The following RPGRIP1 variants were observed in gnomAD, a reference collection of about 807,000 sequenced individuals.
RPGRIP1 encodes the protein RPGR interacting protein 1, also known as X-linked retinitis pigmentosa GTPase regulator-interacting protein 1.
RPGRIP1 carries 128 observed loss-of-function variants against 157.9 expected under a neutral mutation model. That is an observed-to-expected ratio of 0.81 (90% CI 0.70 to 0.94). RPGRIP1 has a LOEUF of 0.94. RPGRIP1 is among the 40% of genes least tolerant of loss of function. The probability of loss-of-function intolerance (pLI) is 0.00; values close to 1 mark genes in which losing one functional copy is unlikely to be tolerated. For synonymous variants in RPGRIP1, 554 were observed against 571.6 expected (o/e 0.97, Z 0.44); for missense variants, 1,486 against 1,545.8 (o/e 0.96, Z 0.65).
In RPGRIP1 at chr14:21,313,625, T is replaced by C. The variant is rs559424627; in HGVS notation, c.1151+1119T>C. Reference sequence around the variant, plus strand: ...CAACATGATGAAGCCCTGTGTCTACTAAAAATACAAAAATTAGCCAGGCAC... The same window carrying C: ...CAACATGATGAAGCCCTGTGTCTACCAAAAATACAAAAATTAGCCAGGCAC... On this transcript the variant is annotated intron_variant, in intron 10 of 24. Transcript: ENST00000400017. 1.0e-3 allele frequency among the ~76,000 whole-genome samples: 156 copies of C among 152,004 alleles called. 2 individuals are homozygous for C. In the Middle Eastern group the frequency reaches 0.034, roughly 33 times the overall value.
At chr14:21,313,931 C>T (rs1337496931) in intron 10 of RPGRIP1, among the ~76,000 whole-genome samples, 1 of 150,382 alleles carries the variant, frequency 6.6e-6, no homozygotes, top group Non-Finnish European at 1.5e-5. Context: ...AAAGGGGCAC[C>T]TTCACTTTTA....
chr14:21,308,788 T>A (rs763433128), intron 7 of RPGRIP1, among the ~76,000 whole-genome samples: 2 of 152,216 alleles, frequency 1.3e-5, no homozygotes, highest in East Asian at 1.9e-4. Context: ...GCTGCTTATA[T>A]GAGTAGGCAG....
chr14:21,315,965 A>G (rs769421784), intron 10 of RPGRIP1, among the ~76,000 whole-genome samples: 175 of 120,260 alleles, frequency 1.5e-3, no homozygotes, highest in Non-Finnish European at 2.4e-3. Flanking sequence ...TGCCTGGCTA[A>G]TTTTTGTGGT....
chr14:21,337,942 A>T (rs982955352), intron 21 of RPGRIP1, among the ~76,000 whole-genome samples: 3 of 151,350 alleles, frequency 2.0e-5, no homozygotes, highest in African/African-American at 7.3e-5. Context: ...TTTGAGACCT[A>T]GTCTTGCTCT....
chr14:21,338,309 C>T (rs975156712), intron 21 of RPGRIP1, among the ~76,000 whole-genome samples: 6 of 152,142 alleles, frequency 3.9e-5, no homozygotes, highest in Admixed American at 6.5e-5. Context: ...TAGTGAATAT[C>T]GAGAACCTCA....
chr14:21,325,475 G>C, intron 16 of RPGRIP1, 92 bp downstream of exon 16: 1 of 1,217,684 alleles, frequency 8.2e-7, no homozygotes, highest in South Asian at 1.5e-5. Context: ...ATAAGTGTTT[G>C]TTGAATGTGA....
rs991452324 is a variant in RPGRIP1, at chr14:21,322,055, C to T, written c.1762+51C>T. On this transcript the variant is annotated intron_variant, in intron 14 of 24. Transcript: ENST00000400017. ...CACTTCGGGACCCTTCCACAGCTAA[C>T]GCCTGTGTTCCACTCTGTGTACTTG... 2.0e-5 allele frequency: 30 copies of T among 1,523,088 alleles called. No homozygotes were observed. The East Asian group carries it at 2.5e-4, about 13-fold the overall frequency. 94.3% of individuals were successfully genotyped at this position (1,523,088 alleles called of 1,614,324 possible). A position where few individuals can be genotyped will look rare whatever the true frequency, so the allele number is the denominator to read the frequency against.
At chr14:21,323,449 C>T (rs1182031886) in intron 14 of RPGRIP1, among the ~76,000 whole-genome samples, 3 of 151,612 alleles carry the variant, frequency 2.0e-5, no homozygotes, top group Non-Finnish European at 4.4e-5. Flanking sequence ...AGAATAAAAG[C>T]ACATAAGTGT....
At chr14:21,305,612 G>C (rs1490782028) in intron 6 of RPGRIP1, among the ~76,000 whole-genome samples, 1 of 152,186 alleles carries the variant, frequency 6.6e-6, no homozygotes, top group African/African-American at 2.4e-5. Context: ...TGTAATCCCA[G>C]TACTTTGGGA....
chr14:21,303,930 GTGAGC>G (rs1048934614), intron 6 of RPGRIP1, among the ~76,000 whole-genome samples: 2 of 151,542 alleles, frequency 1.3e-5, no homozygotes, highest in African/African-American at 4.9e-5. Flanking sequence ...AGAGGTTTCA[GTGAGC>G]TGAGATAACG....
chr14:21,330,902 T>TTTTTG (rs925094507), intron 20 of RPGRIP1, among the ~76,000 whole-genome samples: 7 of 151,716 alleles, frequency 4.6e-5, no homozygotes, highest in Non-Finnish European at 7.4e-5. Context: ...CCCCAGGATT[T>TTTTTG]TTTTGTTTTG....
intron 21 of RPGRIP1, among the ~76,000 whole-genome samples, chr14:21,340,380 C>T (rs1402754134): frequency 5.3e-5 from 8 of 152,128 alleles, no homozygotes; most frequent in East Asian, 1.9e-4. Flanking sequence ...TGGGGCCGGG[C>T]GCAATGGCTC....
intron 6 of RPGRIP1, among the ~76,000 whole-genome samples, chr14:21,305,803 C>G (rs993266450): frequency 5.3e-5 from 8 of 152,046 alleles, no homozygotes; most frequent in African/African-American, 1.9e-4. Flanking sequence ...AGGGGTTGCA[C>G]TGGGCCAAGA....
intron 20 of RPGRIP1, among the ~76,000 whole-genome samples, 175 bp downstream of exon 20, chr14:21,330,562 C>T (rs1253484799): frequency 5.3e-5 from 8 of 150,782 alleles, no homozygotes; most frequent in South Asian, 2.1e-4. Flanking sequence ...GCTACGTGGG[C>T]GGCGGAGGCA....
At chr14:21,288,139 A>G (rs867905306) in intron 2 of RPGRIP1, 78 bp downstream of exon 2, 1 of 929,202 alleles carries the variant, frequency 1.1e-6, no homozygotes, top group Middle Eastern at 2.6e-4. Context: ...TGGCCTTCAC[A>G]GAGACTGATT....
chr14:21,298,812 C>T (rs549264489), intron 3 of RPGRIP1, among the ~76,000 whole-genome samples: 2 of 151,468 alleles, frequency 1.3e-5, no homozygotes, highest in East Asian at 2.0e-4. Context: ...TGGTGGTGGG[C>T]GCCTGTAATC....
chr14:21,321,245 G>T lies in RPGRIP1; in HGVS notation c.1468-14G>T. 6.2e-7 allele frequency: 1 copy of T among 1,607,818 alleles called. No homozygotes were observed. Among genetic ancestry groups the T allele is most frequent in the South Asian group, 1.1e-5 (1 of 89,842 alleles). On this transcript the variant is annotated splice_polypyrimidine_tract_variant and intron_variant, in intron 12 of 24. Coordinates refer to ENST00000400017, the MANE Select transcript of RPGRIP1 (RefSeq NM_020366.4). ...TATTTATACTCCCTTTTACCAATGC[G>T]TTTCCCTCTACAGCCAAGTGAACCC...
In RPGRIP1 at chr14:21,320,284, T is replaced by C. The variant is rs535548117; in HGVS notation, c.1467+107T>C. On this transcript the variant is annotated intron_variant, in intron 12 of 24. Coordinates refer to ENST00000400017, the MANE Select transcript of RPGRIP1 (RefSeq NM_020366.4). ...AAACTAACTAAATAATATTTTGTCC[T>C]GACTGAGGACACTCTTTTTTTTTTT... 4.6e-6 allele frequency: 5 copies of C among 1,083,442 alleles called. No individual in the cohort carries two copies. The East Asian group carries it at 7.9e-5, about 17-fold the overall frequency. 67.1% of individuals were successfully genotyped at this position (1,083,442 alleles called of 1,614,324 possible).
At chr14:21,323,426 A>AG (rs1263373262) in intron 14 of RPGRIP1, among the ~76,000 whole-genome samples, 2 of 151,480 alleles carry the variant, frequency 1.3e-5, no homozygotes, top group African/African-American at 4.9e-5. Context: ...TGTCTCAAAA[A>AG]GAAAAAAAAA....
Sources: gnomAD v4.1 joint callset for allele counts (sites outside exome capture counted in the v4.1 genomes callset) on GRCh38, gnomAD v4.1.1 for gene constraint, MANE v1.5 for transcripts, NCBI Gene and HGNC (gene_info 2026-07-23, HGNC 2026-07-21) for gene names.